The following MAST2 variants were observed in gnomAD, a reference collection of about 807,000 sequenced individuals.
MAST2 encodes the protein microtubule-associated serine/threonine-protein kinase 2.
MAST2 carries 70 observed loss-of-function variants against 147.4 expected under a neutral mutation model. The observed-to-expected ratio is 0.47, with a 90% CI of 0.39 to 0.58. MAST2 has a LOEUF of 0.58. Ranked by LOEUF, MAST2 falls within the 20% of genes least tolerant of loss-of-function variation. MAST2 has a pLI of 0.00. For missense variants in MAST2, 2,080 were observed against 2,302.3 expected (o/e 0.90, Z 1.98); for synonymous variants, 869 against 896.8 (o/e 0.97, Z 0.55).
At chr1:45,806,620 C>T (rs2148622408) in intron 1 of MAST2, among the ~76,000 whole-genome samples, 1 of 152,288 alleles carries the variant, frequency 6.6e-6, no homozygotes, top group South Asian at 2.1e-4. Context: ...CTCTCTCGCC[C>T]AGGCTGGAGT....
At chr1:45,903,098 T>C (rs1029121839) in intron 4 of MAST2, among the ~76,000 whole-genome samples, 8 of 150,492 alleles carry the variant, frequency 5.3e-5, no homozygotes, top group African/African-American at 2.0e-4. Context: ...CTTTTTGATG[T>C]TAAGCATTTA....
chr1:46,005,259 G>A (rs747029004), intron 7 of MAST2, among the ~76,000 whole-genome samples: 4 of 152,170 alleles, frequency 2.6e-5, no homozygotes, highest in Non-Finnish European at 2.9e-5. Flanking sequence ...CTACTCAGGA[G>A]GCTGAGGCAG....
intron 4 of MAST2, among the ~76,000 whole-genome samples, chr1:45,915,627 G>A (rs1027367347): frequency 2.6e-5 from 4 of 151,218 alleles, no homozygotes; most frequent in South Asian, 2.1e-4. Flanking sequence ...GGAGAATGGC[G>A]TGAACCTGGG....
intron 4 of MAST2, among the ~76,000 whole-genome samples, chr1:45,936,675 C>T (rs1656247945): frequency 6.6e-6 from 1 of 152,102 alleles, no homozygotes; most frequent in South Asian, 2.1e-4. Flanking sequence ...AGACTGGCAC[C>T]ACTGTTCTCT....
chr1:45,816,199 G>T (rs1053796908), intron 1 of MAST2, among the ~76,000 whole-genome samples: 13 of 146,016 alleles, frequency 8.9e-5, no homozygotes, highest in African/African-American at 3.3e-4. Context: ...GGTATTGGGG[G>T]TGGGGGGGAG....
At chr1:45,828,644 C>T (rs115693042) in intron 2 of MAST2, among the ~76,000 whole-genome samples, 1,538 of 152,266 alleles carry the variant, frequency 0.01, 13 homozygotes, top group Non-Finnish European at 0.016. Context: ...CATTGCAGGT[C>T]GGGCGTGGTG....
Position 46,002,461 on chromosome 1 carries a change from T to C in MAST2, c.669-344T>C, listed in dbSNP as rs185246229. On this transcript the variant is annotated intron_variant, in intron 6 of 28. Coordinates refer to ENST00000361297, the MANE Select transcript of MAST2 (RefSeq NM_015112.3). ...GCATTTCAGTGGCAGTTCTATCTTG[T>C]AATGTTGCCTATAGCTGGAATCCTC... Among the ~76,000 whole-genome samples, 337 of 152,348 alleles carry C rather than the reference T, an allele frequency of 2.2e-3. 1 individual carries two copies. Among genetic ancestry groups the C allele is most frequent in the Non-Finnish European group, 3.9e-3 (265 of 68,026 alleles).
chr1:45,872,240 C>A (rs1296054443), intron 3 of MAST2, among the ~76,000 whole-genome samples: 1 of 152,156 alleles, frequency 6.6e-6, no homozygotes, highest in Non-Finnish European at 1.5e-5. Flanking sequence ...GAGGGAGTTG[C>A]CTCAGGCATA....
At position 46,032,366 on chromosome 1, in the gene MAST2, G is replaced by C; in HGVS notation, c.3376G>C (p.Gly1126Arg). 6.2e-7 allele frequency: 1 copy of C among 1,614,098 alleles called. No individual in the cohort carries two copies. Among genetic ancestry groups the C allele is most frequent in the Non-Finnish European group, 8.5e-7 (1 of 1,180,024 alleles). Residue 1126 changes from glycine (G) to arginine (R), a missense_variant, in exon 25 of 29, where the codon GGT (glycine) becomes CGT (arginine). By Grantham distance (125) the Gly-to-Arg change is moderately radical (BLOSUM62 -2). Transcript: ENST00000361297. Reference sequence around the variant, plus strand: ...CCTGCGGGCCATTCGCGTCTACATGGGTGACTCCGATGTCTACACCGTGCA... The same window carrying C: ...CCTGCGGGCCATTCGCGTCTACATGCGTGACTCCGATGTCTACACCGTGCA... ...FTLRAIRVYM[G>R]DSDVYTVHHM...
rs1254939818 is a variant in MAST2, at chr1:45,975,509, A to C, written c.592+16032A>C. 4.0e-5 allele frequency among the ~76,000 whole-genome samples: 6 copies of C among 149,776 alleles called. No homozygotes were observed. The East Asian group carries it at 5.8e-4, about 15-fold the overall frequency. ...CCCTGTCTCTCCAAAAAAAAAAAAA[A>C]AAAAAAAAAAAAGCCAGGTGTGGTA... On this transcript the variant is annotated intron_variant, in intron 5 of 28. Coordinates refer to ENST00000361297, the MANE Select transcript of MAST2 (RefSeq NM_015112.3).
intron 5 of MAST2, among the ~76,000 whole-genome samples, chr1:45,982,582 A>T (rs577967857): frequency 6.6e-6 from 1 of 152,336 alleles, no homozygotes; most frequent in East Asian, 1.9e-4. Flanking sequence ...AGGAGAGGGC[A>T]CAGGATCTCT....
chr1:46,005,961 T>A (rs1337014818), intron 7 of MAST2, among the ~76,000 whole-genome samples: 1 of 152,226 alleles, frequency 6.6e-6, no homozygotes, highest in East Asian at 1.9e-4. Flanking sequence ...CATGATTTAT[T>A]AACTACTTTT....
intron 4 of MAST2, among the ~76,000 whole-genome samples, chr1:45,913,091 T>C (rs184166351): frequency 1.5e-3 from 236 of 152,326 alleles, no homozygotes; most frequent in Non-Finnish European, 2.0e-3. Flanking sequence ...TGGCTTTTCT[T>C]ACCACAAGAA....
intron 3 of MAST2, among the ~76,000 whole-genome samples, chr1:45,854,876 C>G (rs2148017259): frequency 6.6e-6 from 1 of 152,292 alleles, no homozygotes. Context: ...CTGGTTTTAC[C>G]TGTTCTTTTG....
Position 46,030,647 on chromosome 1 carries a change from G to T in MAST2, c.2594G>T (p.Arg865Leu), listed in dbSNP as rs376686790. Residue 865 changes from arginine to leucine, a missense_variant, in exon 22 of 29, where the codon CGC becomes CTC. Around this residue, in one of 4 missense-constraint regions of MAST2, gnomAD observed 1,278 missense variants for 1,304.2 expected, o/e 0.98. Transcript: ENST00000361297. ...GAGCGGCTCTCACTGCTCGAGGAGC[G>T]CCGGACACCACCCCCGACCAAGCGC... The part of the protein sequence containing the change: ...SMERLSLLEE[R>L]RTPPPTKRSL... The T allele has an allele frequency of 6.2e-7, 1 of 1,611,450 alleles. No homozygotes were observed. Among genetic ancestry groups the T allele is most frequent in the Non-Finnish European group, 8.5e-7 (1 of 1,179,300 alleles).
intron 3 of MAST2, among the ~76,000 whole-genome samples, chr1:45,837,076 C>T (rs1203667602): frequency 2.0e-5 from 3 of 152,124 alleles, no homozygotes; most frequent in Non-Finnish European, 2.9e-5. Flanking sequence ...GGAGTTCAGG[C>T]GGTAATGCTC....
In MAST2 at chr1:46,028,857, C is replaced by T. The variant is rs755660029; in HGVS notation, c.2142C>T (p.Ile714=). 4.5e-5 allele frequency: 72 copies of T among 1,613,558 alleles called. 1 individual carries two copies. In the South Asian group the frequency reaches 7.5e-4, roughly 17 times the overall value. The part of the protein sequence containing the change: ...KPVDWWAMGI[I]LYEFLVGCVP... ...TGGACTGGTGGGCCATGGGCATTAT[C>T]CTGTATGAGTTCCTGGTGGGCTGCG... The change falls in exon 18 of 29, where the codon ATC becomes ATT. Residue 714 remains isoleucine (I), a synonymous_variant. Coordinates refer to ENST00000361297, the MANE Select transcript of MAST2 (RefSeq NM_015112.3).
chr1:46,029,987 TCCTA>T (rs1646576124), intron 20 of MAST2, 34 bp downstream of exon 20: 9 of 1,612,752 alleles, frequency 5.6e-6, no homozygotes, highest in South Asian at 1.1e-5. Context: ...GGAGGATGGG[TCCTA>T]CCTGTTTGCC....
chr1:45,997,374 G>T (rs1317929408), intron 5 of MAST2, among the ~76,000 whole-genome samples: 1 of 152,144 alleles, frequency 6.6e-6, no homozygotes, highest in Non-Finnish European at 1.5e-5. Context: ...TGAACATTTG[G>T]CTATACCCTC....
Sources: gnomAD v4.1 joint callset for allele counts (sites outside exome capture counted in the v4.1 genomes callset) on GRCh38, gnomAD v4.1.1 for gene constraint, gnomAD v4.1.1 regional missense constraint, MANE v1.5 for transcripts, NCBI Gene and HGNC (gene_info 2026-07-23, HGNC 2026-07-21) for gene names.